Variants in GPC4 observed in about 807,000 individuals in gnomAD.
The protein encoded by GPC4 is glypican-4.
In GPC4, 10 loss-of-function variants were observed where a neutral mutation model predicts 35.0. The ratio of observed to expected loss-of-function variants is 0.29; its 90% CI spans 0.18 to 0.48. The LOEUF (loss-of-function observed/expected upper bound fraction) is 0.48, where lower values mean the gene tolerates loss of function less well. Among genes scored for constraint, GPC4 ranks in the 20% least tolerant of loss-of-function variants. The pLI, the probability that GPC4 is intolerant of heterozygous loss-of-function variation, is 0.99. For missense variants in GPC4, 322 were observed against 451.3 expected, an observed-to-expected ratio of 0.71 and a Z score of 2.60; for synonymous variants, 167 against 170.2, an observed-to-expected ratio of 0.98 and a Z score of 0.15.
intron 1 of GPC4, chrX:133,414,398 C>T: frequency 1.7e-6 from 1 of 583,710 alleles, no homozygotes. Context: ...CTCACCCATA[C>T]AACAAAGCGG....
chrX:133,332,238 C>G (rs769086007), intron 2 of GPC4, among the ~76,000 whole-genome samples: 2 of 111,437 alleles, frequency 1.8e-5, no homozygotes, highest in African/African-American at 6.5e-5. Flanking sequence ...TAAATATAAT[C>G]CCCACTGCTA....
intron 1 of GPC4, among the ~76,000 whole-genome samples, chrX:133,406,518 G>A (rs903824417): frequency 2.7e-5 from 3 of 111,022 alleles, no homozygotes; most frequent in African/African-American, 9.8e-5. Flanking sequence ...GGGAGGCCGA[G>A]GCGGGCGGAT....
intron 3 of GPC4, among the ~76,000 whole-genome samples, chrX:133,319,479 GGAAA>G (rs1391065802): frequency 2.1e-5 from 2 of 95,581 alleles, no homozygotes; most frequent in Admixed American, 1.1e-4. Context: ...AAAGAAAGAA[GGAAA>G]GAAAGAAAGA....
intron 4 of GPC4, among the ~76,000 whole-genome samples, chrX:133,308,927 C>T (rs188596840): frequency 4.6e-5 from 5 of 109,101 alleles, no homozygotes; most frequent in African/African-American, 1.7e-4. Flanking sequence ...GGGGAAAAAG[C>T]CCTTGACCAT....
chrX:133,323,787 T>A (rs1324212188), intron 3 of GPC4, among the ~76,000 whole-genome samples: 1 of 112,030 alleles, frequency 8.9e-6, no homozygotes, highest in East Asian at 2.8e-4. Flanking sequence ...AGCCTGTGTG[T>A]GTATGTTTGT....
At chrX:133,314,916 C>T (rs748832968) in intron 3 of GPC4, among the ~76,000 whole-genome samples, 2 of 111,141 alleles carry the variant, frequency 1.8e-5, no homozygotes, top group Admixed American at 1.9e-4. Context: ...TGTCGACCTG[C>T]CCAGGCTCAG....
chrX:133,376,758 C>A (rs1168790763), intron 1 of GPC4, among the ~76,000 whole-genome samples: 1 of 112,108 alleles, frequency 8.9e-6, no homozygotes, highest in African/African-American at 3.2e-5. Context: ...TTCTTCCATG[C>A]CTTCATGTGT....
At chrX:133,340,289 A>C (rs761985814) in intron 1 of GPC4, among the ~76,000 whole-genome samples, 2 of 110,882 alleles carry the variant, frequency 1.8e-5, no homozygotes, top group South Asian at 3.9e-4. Flanking sequence ...CTCTTCTCTT[A>C]TAATGACCAC....
At position 133,302,327 on chromosome X, in the gene GPC4, C is replaced by T. The variant is rs774505603; in HGVS notation, c.*540G>A. ...TAATAATTTAAAAAAAAGAAAATCA[C>T]CTCCACGTCTCTCCAGATAAGGCAA... On this transcript the variant is annotated 3_prime_UTR_variant, in exon 9 of 9. Transcript: ENST00000370828. 9.8e-5 allele frequency: 11 copies of T among 112,366 alleles called. No homozygotes were observed. Among genetic ancestry groups the T allele is most frequent in the African/African-American group, 3.2e-4 (10 of 30,855 alleles). The allele number at this position is 112,366 out of a possible 1,213,427, so 9.3% of individuals were successfully genotyped here. A position where few individuals can be genotyped will look rare whatever the true frequency, so the allele number is the denominator to read the frequency against.
In GPC4 at chrX:133,302,846, C is replaced by T; in HGVS notation, c.*21G>A. On this transcript the variant is annotated 3_prime_UTR_variant, in exon 9 of 9. Coordinates refer to ENST00000370828, the MANE Select transcript of GPC4 (RefSeq NM_001448.3). ...GTGCCTTTTAACTTTTTGATGAACA[C>T]TTTTTCTCAGAGTTTGAGAATTATC... The T allele has an allele frequency of 1.7e-6, 2 of 1,199,812 alleles. No homozygotes were observed. The highest frequency in any genetic ancestry group is 2.3e-6 in the Non-Finnish European group (2 of 885,681).
rs1448815344 is a variant in GPC4, at chrX:133,311,361, C to G, written c.774G>C (p.Arg258=). Residue 258 remains arginine, a synonymous_variant, in exon 4 of 9, where the codon CGG becomes CGC. Coordinates refer to ENST00000370828, the MANE Select transcript of GPC4 (RefSeq NM_001448.3). ...LLKMIYCSHC[R]GLVTVKPCYN... ...AACATGGCTTCACAGTCACGAGACCCCGGCAGTGGGAGCAGTAGATCATCT... is the reference window on the plus strand; with the variant it reads ...AACATGGCTTCACAGTCACGAGACCGCGGCAGTGGGAGCAGTAGATCATCT... The G allele has an allele frequency of 8.3e-7, 1 of 1,210,770 alleles. No homozygotes were observed. The highest frequency in any genetic ancestry group is 2.2e-5 in the Admixed American group (1 of 46,053).
At chrX:133,319,960 C>A (rs2068356756) in intron 3 of GPC4, among the ~76,000 whole-genome samples, 1 of 111,508 alleles carries the variant, frequency 9.0e-6, no homozygotes, top group Non-Finnish European at 1.9e-5. Context: ...TTATAGAATT[C>A]TTGTTTCAGC....
rs149934455 is a variant in GPC4, at chrX:133,352,230, G to A, written c.161-12889C>T. Among the ~76,000 whole-genome samples the A allele has an allele frequency of 3.3e-3, 366 of 112,015 alleles. 5 individuals carry two copies. Among genetic ancestry groups the A allele is most frequent in the Non-Finnish European group, 4.9e-3 (263 of 53,223 alleles). ...TGGAACTTCAACAGATGTGCCATAG[G>A]AGGTGCCTTTGGACAAAGTAGGAGA... is the stretch of plus-strand genomic sequence containing the variant. On this transcript the variant is annotated intron_variant, in intron 1 of 8. Coordinates refer to ENST00000370828, the MANE Select transcript of GPC4 (RefSeq NM_001448.3).
intron 1 of GPC4, among the ~76,000 whole-genome samples, chrX:133,409,435 G>A (rs2068804114): frequency 9.6e-6 from 1 of 104,537 alleles, no homozygotes; most frequent in African/African-American, 3.4e-5. Context: ...TAATCTCATT[G>A]TAGCACTAGT....
At chrX:133,342,714 G>C (rs1226457433) in intron 1 of GPC4, among the ~76,000 whole-genome samples, 2 of 111,565 alleles carry the variant, frequency 1.8e-5, no homozygotes, top group East Asian at 5.7e-4. Flanking sequence ...AGAAGCACAG[G>C]GAGGAAAAGG....
chrX:133,376,621 T>C (rs1211508347), intron 1 of GPC4, among the ~76,000 whole-genome samples: 1 of 112,333 alleles, frequency 8.9e-6, no homozygotes, highest in Non-Finnish European at 1.9e-5. Context: ...TGCAGTGGTT[T>C]ATTGAAAGGA....
intron 1 of GPC4, chrX:133,414,455 A>C: frequency 6.7e-6 from 5 of 750,039 alleles, no homozygotes; most frequent in Non-Finnish European, 7.8e-6. Flanking sequence ...GTAGCCGGTG[A>C]CACGCACTTT....
intron 3 of GPC4, among the ~76,000 whole-genome samples, chrX:133,315,000 G>C (rs2068330824): frequency 9.0e-6 from 1 of 110,594 alleles, no homozygotes; most frequent in African/African-American, 3.3e-5. Flanking sequence ...CTCTTTTGGA[G>C]TCTTTAAGAG....
At chrX:133,402,725 G>A (rs182127614) in intron 1 of GPC4, among the ~76,000 whole-genome samples, 174 of 110,607 alleles carry the variant, frequency 1.6e-3, no homozygotes, top group Non-Finnish European at 2.7e-3. Flanking sequence ...CTAACACGGT[G>A]AAACCCGTCT....
Sources: allele counts gnomAD v4.1 joint callset (sites outside exome capture counted in the v4.1 genomes callset), GRCh38; gene constraint gnomAD v4.1.1; transcripts MANE v1.5; gene names NCBI Gene and HGNC (gene_info 2026-07-23, HGNC 2026-07-21).